Variants in MTUS2 observed in about 807,000 individuals in gnomAD.
MTUS2 encodes the protein microtubule associated scaffold protein 2.
Under a neutral mutation model 114.1 loss-of-function variants are expected in MTUS2, and 40 were observed. The ratio of observed to expected loss-of-function variants is 0.35; its 90% CI spans 0.27 to 0.46. The LOEUF (loss-of-function observed/expected upper bound fraction) is 0.46. Ranked by LOEUF, MTUS2 falls within the 20% of genes least tolerant of loss-of-function variation. The pLI, the probability that MTUS2 is intolerant of heterozygous loss-of-function variation, is 1.00. For synonymous variants in MTUS2, 688 were observed against 672.0 expected, an observed-to-expected ratio of 1.02 and a Z score of -0.37; for missense variants, 1,679 against 1,705.4, an observed-to-expected ratio of 0.98 and a Z score of 0.27.
intron 4 of MTUS2, among the ~76,000 whole-genome samples, chr13:29,051,942 C>G (rs1887916395): frequency 6.6e-6 from 1 of 152,118 alleles, no homozygotes; most frequent in South Asian, 2.1e-4. Context: ...CTGTTATGGT[C>G]AGGGTTTCTG....
At chr13:28,969,502 ATTTAT>A (rs1046753355) in intron 2 of MTUS2, among the ~76,000 whole-genome samples, 7 of 151,530 alleles carry the variant, frequency 4.6e-5, no homozygotes, top group African/African-American at 7.3e-5. Context: ...TATTTATTTT[ATTTAT>A]TTATTTATTT....
chr13:29,379,026 C>T (rs1412697385), intron 8 of MTUS2, among the ~76,000 whole-genome samples: 3 of 152,184 alleles, frequency 2.0e-5, no homozygotes, highest in Non-Finnish European at 4.4e-5. Flanking sequence ...CTCCACTTTG[C>T]TCTGTACTTC....
At chr13:28,957,716 A>G (rs533495054) in intron 2 of MTUS2, among the ~76,000 whole-genome samples, 1 of 152,280 alleles carries the variant, frequency 6.6e-6, no homozygotes, top group Admixed American at 6.5e-5. Flanking sequence ...TGCCCTGTGG[A>G]TACTGGGAGA....
intron 6 of MTUS2, among the ~76,000 whole-genome samples, chr13:29,308,392 TAC>T (rs1899584093): frequency 6.6e-6 from 1 of 152,208 alleles, no homozygotes; most frequent in Admixed American, 6.5e-5. Context: ...TTTCACCATA[TAC>T]AATATTAACT....
intron 8 of MTUS2, among the ~76,000 whole-genome samples, chr13:29,422,245 G>A (rs1206532308): frequency 6.6e-6 from 1 of 152,188 alleles, no homozygotes; most frequent in Non-Finnish European, 1.5e-5. Context: ...CCGAGTTCAT[G>A]ACCCCTCATA....
Position 29,480,103 on chromosome 13 carries a change from C to G in MTUS2, c.3185-47C>G. On this transcript the variant is annotated intron_variant, in intron 9 of 15. Transcript: ENST00000612955. The surrounding 1 kb of genome is among the most constrained non-coding windows in gnomAD (Gnocchi z 4.4). Reference sequence around the variant, plus strand: ...CCATGGAGGCTGAGTCCTTCCCATGCCTCCTACGGCCATTTTTTAAAGAAA... The same window carrying G: ...CCATGGAGGCTGAGTCCTTCCCATGGCTCCTACGGCCATTTTTTAAAGAAA... 6.5e-7 allele frequency: 1 copy of G among 1,540,154 alleles called. No individual in the cohort carries two copies. The highest frequency in any genetic ancestry group is 8.8e-7 in the Non-Finnish European group (1 of 1,138,680).
At chr13:29,151,875 A>C (rs1892674757) in intron 5 of MTUS2, among the ~76,000 whole-genome samples, 1 of 152,180 alleles carries the variant, frequency 6.6e-6, no homozygotes. Flanking sequence ...GCATCCCAGG[A>C]GAAAAGACTC....
intron 2 of MTUS2, among the ~76,000 whole-genome samples, chr13:28,908,449 T>C (rs1423117258): frequency 6.6e-6 from 1 of 151,576 alleles, no homozygotes; most frequent in Non-Finnish European, 1.5e-5. Flanking sequence ...GCTTCATCCA[T>C]GTCCCTACAA....
At chr13:29,013,770 C>CCACA (rs10647691) in intron 2 of MTUS2, among the ~76,000 whole-genome samples, 72,331 of 151,518 alleles carry the variant, frequency 0.48, 17,595 homozygotes, top group South Asian at 0.72. Flanking sequence ...GTTAAACTAT[C>CCACA]CACACACACA....
chr13:28,821,762 A>G (rs1873919568), intron 1 of MTUS2, among the ~76,000 whole-genome samples: 2 of 152,188 alleles, frequency 1.3e-5, no homozygotes, highest in African/African-American at 2.4e-5. Flanking sequence ...TCTGTAGCCT[A>G]TGGTGTTGCT....
chr13:29,336,863 G>A (rs1901090278), intron 7 of MTUS2, among the ~76,000 whole-genome samples: 1 of 152,192 alleles, frequency 6.6e-6, no homozygotes, highest in Non-Finnish European at 1.5e-5. Flanking sequence ...ATCTAGAGAG[G>A]CAGTCTGGCT....
At chr13:29,056,961 C>G (rs1444874811) in intron 4 of MTUS2, among the ~76,000 whole-genome samples, 1 of 151,916 alleles carries the variant, frequency 6.6e-6, no homozygotes, top group South Asian at 2.1e-4. Flanking sequence ...GTACATTTCC[C>G]TAACACTGCT....
In MTUS2 at chr13:29,103,426, T is replaced by G. The variant is rs144858083; in HGVS notation, c.2644+2456T>G. 1.4e-4 allele frequency among the ~76,000 whole-genome samples: 21 copies of G among 152,332 alleles called. No homozygotes were observed. In the East Asian group the frequency reaches 3.7e-3, roughly 27 times the overall value. ...TAACACAATAGTGCGTATTGGTATA[T>G]GTAACAATATCTAAACATAGAAGAA... On this transcript the variant is annotated intron_variant, in intron 5 of 15. Transcript: ENST00000612955.
intron 2 of MTUS2, among the ~76,000 whole-genome samples, chr13:28,928,074 A>G (rs1448764293): frequency 6.6e-6 from 1 of 152,202 alleles, no homozygotes; most frequent in Non-Finnish European, 1.5e-5. Flanking sequence ...TAGGATTCCT[A>G]TTTCTCACCA....
intron 2 of MTUS2, among the ~76,000 whole-genome samples, chr13:28,967,155 G>A (rs1219276838): frequency 2.0e-5 from 3 of 152,182 alleles, no homozygotes; most frequent in Non-Finnish European, 4.4e-5. Flanking sequence ...AGCAGGGGGA[G>A]GAGTCATATG....
chr13:29,248,010 C>T (rs1896988395), intron 5 of MTUS2, among the ~76,000 whole-genome samples: 1 of 152,212 alleles, frequency 6.6e-6, no homozygotes, highest in South Asian at 2.1e-4. Flanking sequence ...AAATGTCCAT[C>T]AGTCAACAAG....
At chr13:29,413,410 C>T (rs910921539) in intron 8 of MTUS2, among the ~76,000 whole-genome samples, 1 of 147,290 alleles carries the variant, frequency 6.8e-6, no homozygotes, top group Non-Finnish European at 1.5e-5. Flanking sequence ...ACTTCATGTC[C>T]AAAACACCAA....
Position 29,390,845 on chromosome 13 carries a change from C to T in MTUS2, c.3117+31372C>T, listed in dbSNP as rs182060376. 3.0e-3 allele frequency among the ~76,000 whole-genome samples: 452 copies of T among 149,720 alleles called. 2 individuals carry two copies. The highest frequency in any genetic ancestry group is 9.8e-3 in the African/African-American group (398 of 40,776). On this transcript the variant is annotated intron_variant, in intron 8 of 15. Coordinates refer to ENST00000612955, the MANE Select transcript of MTUS2 (RefSeq NM_001033602.4). Reference sequence around the variant, plus strand: ...TCACCCAGGCTGGAGTGCAGTGGCACGACCTTGGCTCACTGCAACCTCTGC... The same window carrying T: ...TCACCCAGGCTGGAGTGCAGTGGCATGACCTTGGCTCACTGCAACCTCTGC...
chr13:29,320,625 T>C (rs1186483411), intron 6 of MTUS2, among the ~76,000 whole-genome samples: 4 of 152,154 alleles, frequency 2.6e-5, no homozygotes, highest in African/African-American at 9.7e-5. Context: ...CCCCACACCA[T>C]GGAGTTGGGA....
Sources: allele counts gnomAD v4.1 joint callset (sites outside exome capture counted in the v4.1 genomes callset), GRCh38; gene constraint gnomAD v4.1.1; non-coding constraint Gnocchi (gnomAD v3.1); transcripts MANE v1.5; gene names NCBI Gene and HGNC (gene_info 2026-07-23, HGNC 2026-07-21).